The following ZBBX variants were observed in gnomAD, a reference collection of about 807,000 sequenced individuals.
ZBBX encodes zinc finger B-box domain-containing protein 1.
Under a neutral mutation model 108.5 loss-of-function variants are expected in ZBBX, and 101 were observed. The observed-to-expected ratio is 0.93, with a 90% CI of 0.79 to 1.10. ZBBX has a LOEUF of 1.10. Ranked by LOEUF, ZBBX falls within the 50% of genes least tolerant of loss-of-function variation. ZBBX has a pLI of 0.00. For missense variants in ZBBX, 1,009 were observed against 941.4 expected (o/e 1.07, Z -0.94); for synonymous variants, 356 against 323.4 (o/e 1.10, Z -1.08).
rs377190898 is a variant in ZBBX, at chr3:167,297,812, T to C, written c.1879+493A>G. Among the ~76,000 whole-genome samples the C allele has an allele frequency of 1.8e-4, 27 of 151,896 alleles. No individual in the cohort carries two copies. In the South Asian group the frequency reaches 5.6e-3, roughly 32 times the overall value. ...TTAACATTATTAATCATTAGGAAAA[T>C]GCAAATCTAAGCTACAATATTGTAC... On this transcript the variant is annotated intron_variant, in intron 18 of 21. Transcript: ENST00000675490.
the ZBBX span, among the ~76,000 whole-genome samples, chr3:167,197,657 TA>T: frequency 1.3e-5 from 2 of 152,166 alleles, no homozygotes; most frequent in Non-Finnish European, 2.9e-5. Flanking sequence ...GCATATACAA[TA>T]AGAAAAATTC....
At position 167,321,628 on chromosome 3, in the gene ZBBX, C is replaced by T. The variant is rs534808831; in HGVS notation, c.983+489G>A. On this transcript the variant is annotated intron_variant, in intron 12 of 21. Transcript: ENST00000675490. ...AATCTCAGGCCTCACTTCAGATCTA[C>T]GAAAAAATAACCCATATTTTGCCAC... 8.6e-5 allele frequency among the ~76,000 whole-genome samples: 13 copies of T among 151,924 alleles called. No individual in the cohort carries two copies. The South Asian group carries it at 1.5e-3, about 17-fold the overall frequency.
chr3:167,182,300 T>C, the ZBBX span, among the ~76,000 whole-genome samples: 1 of 152,082 alleles, frequency 6.6e-6, no homozygotes, highest in Non-Finnish European at 1.5e-5. Flanking sequence ...TAAATGCACT[T>C]TCCCCCTAAT....
At chr3:167,295,169 T>G (rs995748978) in intron 18 of ZBBX, among the ~76,000 whole-genome samples, 5 of 152,190 alleles carry the variant, frequency 3.3e-5, no homozygotes, top group African/African-American at 1.2e-4. Context: ...AAATACCATT[T>G]GACCCAGCAA....
intron 12 of ZBBX, among the ~76,000 whole-genome samples, chr3:167,321,424 T>C (rs1736429554): frequency 6.6e-6 from 1 of 151,992 alleles, no homozygotes; most frequent in Non-Finnish European, 1.5e-5. Flanking sequence ...CTTCCACAGA[T>C]GGAATGGGCC....
chr3:167,406,161 C>T (rs1432098005), intron 1 of ZBBX, among the ~76,000 whole-genome samples: 1 of 152,136 alleles, frequency 6.6e-6, no homozygotes. Flanking sequence ...TCTTCAGAGA[C>T]AATAGTCTTC....
chr3:167,351,625 A>G (rs1293700483), intron 8 of ZBBX, among the ~76,000 whole-genome samples: 4 of 152,268 alleles, frequency 2.6e-5, no homozygotes, highest in Non-Finnish European at 5.9e-5. Context: ...ACACTGGCCT[A>G]GAGAGGTGCC....
intron 1 of ZBBX, among the ~76,000 whole-genome samples, chr3:167,404,547 C>CCCCT: frequency 6.6e-6 from 1 of 152,128 alleles, no homozygotes. Flanking sequence ...CACTCTCCCC[C>CCCCT]TTTCTCCACG....
At chr3:167,249,742 A>G (rs2108351642) in intron 20 of ZBBX, among the ~76,000 whole-genome samples, 1 of 152,318 alleles carries the variant, frequency 6.6e-6, no homozygotes, top group East Asian at 1.9e-4. Flanking sequence ...ACCCCAATGG[A>G]CACTCAGAAG....
chr3:167,260,510 A>G (rs528610480), intron 20 of ZBBX, among the ~76,000 whole-genome samples: 97 of 152,220 alleles, frequency 6.4e-4, no homozygotes, highest in Admixed American at 1.7e-3. Flanking sequence ...GACTTCTTGG[A>G]GGCTTTGTTC....
the ZBBX span, among the ~76,000 whole-genome samples, chr3:167,219,652 T>A: frequency 6.6e-6 from 1 of 151,886 alleles, no homozygotes. Flanking sequence ...TTTATAGCTA[T>A]AAGTGTCTAC....
chr3:167,237,405 G>T (rs1720274541), downstream of ZBBX, among the ~76,000 whole-genome samples: 1 of 151,918 alleles, frequency 6.6e-6, no homozygotes, highest in Non-Finnish European at 1.5e-5. Context: ...CAACAAGCAT[G>T]TAAAATCAGG....
chr3:167,367,778 T>C (rs1375147920), intron 5 of ZBBX, among the ~76,000 whole-genome samples: 2 of 151,302 alleles, frequency 1.3e-5, no homozygotes, highest in African/African-American at 4.8e-5. Context: ...AGAATTTCCA[T>C]CACATAATTA....
intron 9 of ZBBX, among the ~76,000 whole-genome samples, chr3:167,336,202 G>C (rs1406671015): frequency 6.6e-6 from 1 of 151,904 alleles, no homozygotes; most frequent in East Asian, 1.9e-4. Context: ...TGCTATCAAT[G>C]TTATAATAAT....
At chr3:167,314,949 T>C (rs1735185083) in intron 15 of ZBBX, among the ~76,000 whole-genome samples, 1 of 152,196 alleles carries the variant, frequency 6.6e-6, no homozygotes, top group Non-Finnish European at 1.5e-5. Flanking sequence ...GAACAGAAAG[T>C]TGTCTCCCGC....
the ZBBX span, among the ~76,000 whole-genome samples, chr3:167,182,810 G>A: frequency 6.6e-6 from 1 of 152,098 alleles, no homozygotes; most frequent in Admixed American, 6.5e-5. Flanking sequence ...AGGACTGTTG[G>A]TCCATATTGA....
the ZBBX span, among the ~76,000 whole-genome samples, chr3:167,188,959 C>A: frequency 1.2e-4 from 18 of 152,274 alleles, no homozygotes; most frequent in Non-Finnish European, 1.2e-4. Context: ...TGGACAAAAG[C>A]TACAGGTGAT....
chr3:167,330,656 CTGTGGTGGAAGGAATGTT>C lies in ZBBX; in HGVS notation c.688-2558_688-2541del, dbSNP rs558156902. On this transcript the variant is annotated intron_variant, in intron 10 of 21. Transcript: ENST00000675490. ...CTTGTGGTCCCAGTTACACAGGAGG[CTGTGGTGGAAGGAATGTT>C]TGAGCATGGGAGGAGGTTGCAGTGA... is the stretch of plus-strand genomic sequence containing the variant. Among the ~76,000 whole-genome samples, 1,367 of 151,656 alleles carry C rather than the reference CTGTGGTGGAAGGAATGTT, an allele frequency of 9.0e-3. 22 individuals carry two copies. The highest frequency in any genetic ancestry group is 0.031 in the African/African-American group (1,289 of 41,308).
chr3:167,227,146 T>C, the ZBBX span, among the ~76,000 whole-genome samples: 1 of 151,756 alleles, frequency 6.6e-6, no homozygotes, highest in Admixed American at 6.6e-5. Flanking sequence ...CTCAGAAAAT[T>C]TTACTAGAAT....
Sources: allele counts gnomAD v4.1 joint callset (sites outside exome capture counted in the v4.1 genomes callset), GRCh38; gene constraint gnomAD v4.1.1; transcripts MANE v1.5; gene names NCBI Gene and HGNC (gene_info 2026-07-23, HGNC 2026-07-21).